Variants in RACGAP1 observed in about 807,000 individuals in gnomAD.
The protein encoded by RACGAP1 is Rac GTPase activating protein 1, also known as rac GTPase-activating protein 1.
Under a neutral mutation model 78.1 loss-of-function variants are expected in RACGAP1, and 30 were observed. The observed-to-expected ratio is 0.38, with a 90% CI of 0.29 to 0.52. The LOEUF (loss-of-function observed/expected upper bound fraction) is 0.52. Ranked by LOEUF, RACGAP1 falls within the 20% of genes least tolerant of loss-of-function variation. The pLI, the probability that RACGAP1 is intolerant of heterozygous loss-of-function variation, is 0.82. For synonymous variants in RACGAP1, 231 were observed against 264.8 expected, an observed-to-expected ratio of 0.87 and a Z score of 1.24; for missense variants, 587 against 777.1, an observed-to-expected ratio of 0.76 and a Z score of 2.91.
chr12:50,021,624 T>C (rs1223833253), intron 1 of RACGAP1, among the ~76,000 whole-genome samples: 1 of 152,200 alleles, frequency 6.6e-6, no homozygotes. Context: ...AACAACATTA[T>C]TAAGAGACCT....
chr12:50,020,787 G>T (rs1949966146), intron 1 of RACGAP1, among the ~76,000 whole-genome samples: 2 of 152,136 alleles, frequency 1.3e-5, no homozygotes, highest in Non-Finnish European at 2.9e-5. Context: ...ATTTGGCCAG[G>T]TCTAGGCTTT....
chr12:50,018,798 T>G (rs557284277), intron 1 of RACGAP1, among the ~76,000 whole-genome samples: 22 of 151,478 alleles, frequency 1.5e-4, no homozygotes, highest in Admixed American at 5.9e-4. Context: ...TTAGGGGGGG[T>G]TTTAAGTCTT....
chr12:49,997,885 A>C (rs566636084), intron 9 of RACGAP1, among the ~76,000 whole-genome samples: 3 of 152,106 alleles, frequency 2.0e-5, no homozygotes, highest in African/African-American at 7.2e-5. Flanking sequence ...GCCATAATCA[A>C]CTAACATTTA....
In RACGAP1 at chr12:49,994,111, A is replaced by G. The variant is rs1233501232; in HGVS notation, c.1339+20T>C. 1 of 1,579,982 alleles carries G rather than the reference A, an allele frequency of 6.3e-7. No homozygotes were observed. Among genetic ancestry groups the G allele is most frequent in the Admixed American group, 1.7e-5 (1 of 57,614 alleles). On this transcript the variant is annotated intron_variant, in intron 12 of 16. Coordinates refer to ENST00000312377, the MANE Select transcript of RACGAP1 (RefSeq NM_001319999.2). The stretch of plus-strand genomic sequence containing the variant: ...ACTGCCGTGGAGGAATTCATATTCA[A>G]GTATTACATCTGCCCTTACCTGCTG...
intron 10 of RACGAP1, among the ~76,000 whole-genome samples, chr12:49,994,767 A>G (rs1948141790): frequency 6.6e-6 from 1 of 152,232 alleles, no homozygotes; most frequent in Non-Finnish European, 1.5e-5. Flanking sequence ...TGAACAAGGA[A>G]TAAGACCACC....
chr12:50,023,961 A>G (rs961265641), intron 1 of RACGAP1, among the ~76,000 whole-genome samples: 1 of 152,006 alleles, frequency 6.6e-6, no homozygotes, highest in Non-Finnish European at 1.5e-5. Context: ...GTAGATCAAG[A>G]CCATCCTGGC....
intron 5 of RACGAP1, 110 bp downstream of exon 5, chr12:50,004,125 A>G (rs2137417482): frequency 7.2e-7 from 1 of 1,397,514 alleles, no homozygotes. Flanking sequence ...ATAACACATC[A>G]ACTAATAAAA....
chr12:50,018,539 A>G, intron 1 of RACGAP1: 1 of 1,288,834 alleles, frequency 7.8e-7, no homozygotes, highest in Non-Finnish European at 1.0e-6. Context: ...GGACAGAAAC[A>G]GGGGCAGGAC....
At position 49,989,515 on chromosome 12, in the gene RACGAP1, A is replaced by C. The variant is rs1409484349; in HGVS notation, c.*753T>G. ...GACAAGGTTGGGGGTATGGGGGCCAAGCATCAGAATGAATTCAATTTTAAA... is the reference window on the plus strand; with the variant it reads ...GACAAGGTTGGGGGTATGGGGGCCACGCATCAGAATGAATTCAATTTTAAA... On this transcript the variant is annotated 3_prime_UTR_variant, in exon 17 of 17. Transcript: ENST00000312377. 1 of 152,224 alleles carries C rather than the reference A, an allele frequency of 6.6e-6. No individual in the cohort carries two copies. Among genetic ancestry groups the C allele is most frequent in the Non-Finnish European group, 1.5e-5 (1 of 68,052 alleles). 9.4% of individuals were successfully genotyped at this position (152,224 alleles called of 1,614,324 possible). A position where few individuals can be genotyped will look rare whatever the true frequency, so the allele number is the denominator to read the frequency against.
chr12:50,018,774 A>T (rs1468853424), intron 1 of RACGAP1, among the ~76,000 whole-genome samples: 3 of 152,006 alleles, frequency 2.0e-5, no homozygotes, highest in Admixed American at 6.6e-5. Flanking sequence ...CTGGTTGTTT[A>T]AAAAAAAGCT....
At chr12:50,000,206 G>A (rs181432338) in intron 7 of RACGAP1, among the ~76,000 whole-genome samples, 279 of 151,952 alleles carry the variant, frequency 1.8e-3, no homozygotes, top group African/African-American at 6.4e-3. Flanking sequence ...GTAGAGATGG[G>A]GTTTCACTGT....
Position 49,990,312 on chromosome 12 carries a change from G to A in RACGAP1, c.1855C>T (p.Leu619=), listed in dbSNP as rs1173872522. 2 of 1,613,836 alleles carry A rather than the reference G, an allele frequency of 1.2e-6. No individual in the cohort carries two copies. Residue 619 remains leucine (L), a synonymous_variant, in exon 17 of 17, where the codon CTA becomes TTA. Coordinates refer to ENST00000312377, the MANE Select transcript of RACGAP1 (RefSeq NM_001319999.2). The part of the protein sequence containing the change: ...FGSKSKSATN[L]GRQGNFFASP... ...GCAAAAAAGTTGCCTTGTCGTCCTAGGTTAGTGGCAGACTTGCTTTTGCTC... is the reference window on the plus strand; with the variant it reads ...GCAAAAAAGTTGCCTTGTCGTCCTAAGTTAGTGGCAGACTTGCTTTTGCTC...
rs1045149568 is a variant in RACGAP1, at chr12:49,990,558, G to A, written c.1823+126C>T. 1.2e-5 allele frequency: 10 copies of A among 837,758 alleles called. No individual in the cohort carries two copies. In the African/African-American group the frequency reaches 1.2e-4, roughly 10 times the overall value. 51.9% of individuals were successfully genotyped at this position (837,758 alleles called of 1,614,324 possible). On this transcript the variant is annotated intron_variant, in intron 16 of 16. Transcript: ENST00000312377. ...AAAGAAGGAATCCTTATAGCCCCAC[G>A]TTCCCTTTTAAAGTCTAGTTGCTAG...
chr12:49,997,029 A>G lies in RACGAP1; in HGVS notation c.1044+11T>C, dbSNP rs757293738. 12 of 1,466,474 alleles carry G rather than the reference A, an allele frequency of 8.2e-6. No individual in the cohort carries two copies. Among genetic ancestry groups the G allele is most frequent in the South Asian group, 1.4e-5 (1 of 69,502 alleles). The allele number at this position is 1,466,474 out of a possible 1,614,324, so 90.8% of individuals were successfully genotyped here. The stretch of plus-strand genomic sequence containing the variant: ...AGGCCATAAAACAATGACGGCTTGC[A>G]TAAGTCATACCTCTCCAATCTTGAC... On this transcript the variant is annotated intron_variant, in intron 10 of 16. Transcript: ENST00000312377.
chr12:50,007,448 C>G (rs887950341), intron 2 of RACGAP1, among the ~76,000 whole-genome samples: 1 of 152,200 alleles, frequency 6.6e-6, no homozygotes, highest in African/African-American at 2.4e-5. Flanking sequence ...AAGTGCCTTA[C>G]AATTTTCTAG....
chr12:50,002,142 C>T (rs895275169), intron 6 of RACGAP1, 105 bp downstream of exon 6: 2 of 716,980 alleles, frequency 2.8e-6, no homozygotes, highest in African/African-American at 1.8e-5. Context: ...ATGTGCTTAA[C>T]AATGGCTAGA....
In RACGAP1 at chr12:50,005,329, T is replaced by A; in HGVS notation, c.352A>T (p.Ser118Cys). 1 of 1,614,234 alleles carries A rather than the reference T, an allele frequency of 6.2e-7. No homozygotes were observed. Among genetic ancestry groups the A allele is most frequent in the South Asian group, 1.1e-5 (1 of 91,082 alleles). ...MCDTSGSIQL[S>C]EEQKSALAFL... is the part of the protein sequence containing the mutation. ...GCCAGAGCTGATTTTTGCTCCTCGC[T>A]TAGTTGAATGCTGCCAGATGTGTCA... Residue 118 changes from serine (S) to cysteine (C), a missense_variant, in exon 4 of 17, where the codon AGC becomes TGC. Transcript: ENST00000312377.
At chr12:50,006,031 T>C (rs1280475757) in intron 3 of RACGAP1, among the ~76,000 whole-genome samples, 2 of 152,212 alleles carry the variant, frequency 1.3e-5, no homozygotes, top group Admixed American at 1.3e-4. Context: ...ACAGTTGTCT[T>C]GCCTGTATGT....
chr12:50,011,684 G>A (rs1949340877), intron 2 of RACGAP1, among the ~76,000 whole-genome samples: 1 of 152,144 alleles, frequency 6.6e-6, no homozygotes, highest in South Asian at 2.1e-4. Flanking sequence ...GGCCGGGCAT[G>A]GTGGCTCATG....
Sources: allele counts gnomAD v4.1 joint callset (sites outside exome capture counted in the v4.1 genomes callset), GRCh38; gene constraint gnomAD v4.1.1; transcripts MANE v1.5; gene names NCBI Gene and HGNC (gene_info 2026-07-23, HGNC 2026-07-21).